NOL6: variants seen among roughly 807,000 people sequenced by gnomAD.
The protein encoded by NOL6 is nucleolar RNA-associated protein.
A neutral mutation model predicts 131.7 loss-of-function variants in NOL6; 33 were observed. The ratio of observed to expected loss-of-function variants is 0.25; its 90% CI spans 0.19 to 0.33. NOL6 has a LOEUF of 0.33. Ranked by LOEUF, NOL6 falls within the 10% of genes least tolerant of loss-of-function variation. The probability of loss-of-function intolerance (pLI) is 1.00; values close to 1 mark genes in which losing one functional copy is unlikely to be tolerated. For missense variants in NOL6, 1,297 were observed against 1,494.5 expected (o/e 0.87, Z 2.18); for synonymous variants, 580 against 605.7 (o/e 0.96, Z 0.62).
At chr9:33,465,174 C>T (rs771109290) in intron 20 of NOL6, 33 bp downstream of exon 20, 1 of 1,573,146 alleles carries the variant, frequency 6.4e-7, no homozygotes, top group Non-Finnish European at 8.6e-7. Flanking sequence ...CGCAAGGAAA[C>T]TTCTCAGCTG....
rs1386035705 is a variant in NOL6, at chr9:33,462,175, A to T, written c.*489T>A. On this transcript the variant is annotated 3_prime_UTR_variant, in exon 26 of 26. Coordinates refer to ENST00000297990, the MANE Select transcript of NOL6 (RefSeq NM_022917.5). Reference sequence around the variant, plus strand: ...CCCTTTCCACTGCTCAGTGTCGGTGATGTGACTCAGAAGGGCCACATTTTC... The same window carrying T: ...CCCTTTCCACTGCTCAGTGTCGGTGTTGTGACTCAGAAGGGCCACATTTTC... 1.4e-6 allele frequency: 1 copy of T among 717,492 alleles called. No individual in the cohort carries two copies. Among genetic ancestry groups the T allele is most frequent in the East Asian group, 2.7e-5 (1 of 37,296 alleles). 44.4% of individuals were successfully genotyped at this position (717,492 alleles called of 1,614,324 possible).
intron 3 of NOL6, among the ~76,000 whole-genome samples, chr9:33,470,994 T>C (rs1827397821): frequency 6.6e-6 from 1 of 151,560 alleles, no homozygotes; most frequent in African/African-American, 2.4e-5. Context: ...CGTTTTAGGC[T>C]GGGCACGGTG....
chr9:33,463,343 G>C lies in NOL6; in HGVS notation c.3093C>G (p.Ala1031=). ...GGCTGAGCAGGCCCCGGCAGAAGGAGGCAGCTGGCGAGTCCACAGCCTGGC... is the reference window on the plus strand; with the variant it reads ...GGCTGAGCAGGCCCCGGCAGAAGGACGCAGCTGGCGAGTCCACAGCCTGGC... ...RHRQAVDSPA[A]SFCRGLLSQP... The change falls in exon 24 of 26, where the codon GCC becomes GCG. Residue 1031 remains alanine (A), a synonymous_variant. Transcript: ENST00000297990. 1 of 1,614,132 alleles carries C rather than the reference G, an allele frequency of 6.2e-7. No individual in the cohort carries two copies. The highest frequency in any genetic ancestry group is 8.5e-7 in the Non-Finnish European group (1 of 1,179,992).
intron 4 of NOL6, 131 bp from the exon 5 acceptor site, chr9:33,469,798 C>A: frequency 8.5e-7 from 1 of 1,175,584 alleles, no homozygotes; most frequent in South Asian, 1.5e-5. Flanking sequence ...GTTAGCAACA[C>A]TAGGCCCAGT....
chr9:33,463,882 C>A lies in NOL6; in HGVS notation c.2943G>T (p.Leu981=), dbSNP rs547019254. 22 of 1,614,160 alleles carry A rather than the reference C, an allele frequency of 1.4e-5. No homozygotes were observed. In the South Asian group the frequency reaches 2.1e-4, roughly 15 times the overall value. ...CCATGAGCTGCTTCTCTAACATGGG[C>A]AGGGCTTCAGCTGCCAGGACCACAA... ...QQLVVLAAEA[L]PMLEKQLMDP... is the part of the protein sequence containing the mutation. The change falls in exon 23 of 26, where the codon CTG becomes CTT. Residue 981 remains leucine, a synonymous_variant. Transcript: ENST00000297990.
chr9:33,463,924 CG>C lies in NOL6; in HGVS notation c.2905-5del, dbSNP rs1563876057. 6.2e-7 allele frequency: 1 copy of C among 1,614,118 alleles called. No individual in the cohort carries two copies. Among genetic ancestry groups the C allele is most frequent in the Admixed American group, 1.7e-5 (1 of 60,032 alleles). On this transcript the variant is annotated splice_polypyrimidine_tract_variant and splice_region_variant and intron_variant, in intron 22 of 25. Coordinates refer to ENST00000297990, the MANE Select transcript of NOL6 (RefSeq NM_022917.5). ...GGACCACAAGCTGCTGCAGGATCTGCGGGGTACAGACACATCAGACTGGAAC... is the reference window on the plus strand; with the variant it reads ...GGACCACAAGCTGCTGCAGGATCTGCGGGTACAGACACATCAGACTGGAAC...
chr9:33,470,122 C>A lies in NOL6; in HGVS notation c.448G>T (p.Gly150Cys), dbSNP rs1167829390. Residue 150 changes from glycine (G) to cysteine (C), a missense_variant, in exon 4 of 26, where the codon GGC becomes TGC. Coordinates refer to ENST00000297990, the MANE Select transcript of NOL6 (RefSeq NM_022917.5). Reference protein sequence around the residue: ...PLHQVPYAVKGCFRFLPPAQV... With the variant: ...PLHQVPYAVKCCFRFLPPAQV... ...GCTGGGGGCAGGAAGCGGAAACAGCCCTTCACGGCATAGGGCACTTGGTGG... is the reference window on the plus strand; with the variant it reads ...GCTGGGGGCAGGAAGCGGAAACAGCACTTCACGGCATAGGGCACTTGGTGG... 6.8e-6 allele frequency: 11 copies of A among 1,612,810 alleles called. No individual in the cohort carries two copies. Among genetic ancestry groups the A allele is most frequent in the Non-Finnish European group, 8.5e-6 (10 of 1,179,198 alleles).
intron 1 of NOL6, among the ~76,000 whole-genome samples, 167 bp downstream of exon 1, chr9:33,473,622 C>T (rs1238803468): frequency 6.6e-6 from 1 of 152,244 alleles, no homozygotes; most frequent in East Asian, 1.9e-4. Context: ...CTGCCAGGTT[C>T]CATCACCCCT....
chr9:33,465,766 C>T lies in NOL6; in HGVS notation c.2496G>A (p.Arg832=). ...GGGCACTGGTGAGCAGTGGCAACTGCCTTGTGTCTCTCTCAAGGCGGAGGG... is the reference window on the plus strand; with the variant it reads ...GGGCACTGGTGAGCAGTGGCAACTGTCTTGTGTCTCTCTCAAGGCGGAGGG... ...AASLRLERDT[R]QLPLLTSALH... The change falls in exon 19 of 26, where the codon AGG becomes AGA. Residue 832 remains arginine, a synonymous_variant. Transcript: ENST00000297990. 6.2e-7 allele frequency: 1 copy of T among 1,613,548 alleles called. No individual in the cohort carries two copies. The highest frequency in any genetic ancestry group is 1.1e-5 in the South Asian group (1 of 90,942).
At chr9:33,470,738 C>T (rs1827389042) in intron 3 of NOL6, 1 of 149,108 alleles carries the variant, frequency 6.7e-6, no homozygotes, top group Non-Finnish European at 1.5e-5. Flanking sequence ...AAATGGATCA[C>T]TTCTCTAAAA....
rs77634450 is a variant in NOL6, at chr9:33,472,577, C to T, written c.55-165G>A. On this transcript the variant is annotated intron_variant, in intron 1 of 25. Transcript: ENST00000297990. ...TCAGGAGAATCGTTACTTGGATGAA[C>T]ATCACTGAGCGCTGAGCCGAAAATT... is the stretch of plus-strand genomic sequence containing the variant. The T allele has an allele frequency of 2.2e-3, 1,426 of 635,656 alleles. 28 individuals are homozygous for T. The African/African-American group carries it at 0.022, about 10-fold the overall frequency. 39.4% of individuals were successfully genotyped at this position (635,656 alleles called of 1,614,324 possible). A position where few individuals can be genotyped will look rare whatever the true frequency, so the allele number is the denominator to read the frequency against.
At position 33,462,480 on chromosome 9, in the gene NOL6, C is replaced by T. The variant is rs1827118620; in HGVS notation, c.*184G>A. On this transcript the variant is annotated 3_prime_UTR_variant, in exon 26 of 26. Transcript: ENST00000297990. ...ACTACATGGGCCACCATGCCCCTGC[C>T]CCAATGCTGGAGCATCAGAGAGAAA... 1.5e-6 allele frequency: 1 copy of T among 679,010 alleles called. No homozygotes were observed. Among genetic ancestry groups the T allele is most frequent in the African/African-American group, 1.8e-5 (1 of 55,464 alleles). 42.1% of individuals were successfully genotyped at this position (679,010 alleles called of 1,614,324 possible).
chr9:33,465,171 A>C, intron 20 of NOL6, 36 bp downstream of exon 20: 8 of 1,570,512 alleles, frequency 5.1e-6, no homozygotes, highest in Non-Finnish European at 6.9e-6. Flanking sequence ...GGCCGCAAGG[A>C]AACTTCTCAG....
At chr9:33,468,251 T>C (rs892778259) in intron 10 of NOL6, 70 bp downstream of exon 10, 8 of 1,608,446 alleles carry the variant, frequency 5.0e-6, no homozygotes, top group Non-Finnish European at 6.8e-6. Flanking sequence ...TCTGGGGTTC[T>C]GGTACTTGCA....
intron 15 of NOL6, 64 bp from the exon 16 acceptor site, chr9:33,466,773 C>T: frequency 1.3e-6 from 2 of 1,596,346 alleles, no homozygotes; most frequent in Non-Finnish European, 1.7e-6. Flanking sequence ...CTGGATTCTG[C>T]CCCAGCTCAG....
Position 33,465,760 on chromosome 9 carries a change from C to T in NOL6, c.2502G>A (p.Leu834=). ...CGTGCAGGGCACTGGTGAGCAGTGGCAACTGCCTTGTGTCTCTCTCAAGGC... is the reference window on the plus strand; with the variant it reads ...CGTGCAGGGCACTGGTGAGCAGTGGTAACTGCCTTGTGTCTCTCTCAAGGC... ...SLRLERDTRQ[L]PLLTSALHGL... Residue 834 remains leucine, a synonymous_variant, in exon 19 of 26, where the codon TTG becomes TTA. Transcript: ENST00000297990. 1.9e-6 allele frequency: 3 copies of T among 1,613,390 alleles called. No homozygotes were observed. Among genetic ancestry groups the T allele is most frequent in the Non-Finnish European group, 2.5e-6 (3 of 1,179,726 alleles).
In NOL6 at chr9:33,462,752, T is replaced by C. The variant is rs150750211; in HGVS notation, c.3353A>G (p.Asn1118Ser). 198 of 1,614,018 alleles carry C rather than the reference T, an allele frequency of 1.2e-4. No homozygotes were observed. The African/African-American group carries it at 2.4e-3, about 20-fold the overall frequency. ...AAAGTCCTCCAGGATTGCTTCAACA[T>C]TGGGCACCATTACTAGCTCCCCACC... ...SRGGELVMVP[N>S]VEAILEDFAV... The change falls in exon 26 of 26, where the codon AAT (asparagine) becomes AGT (serine). Residue 1118 changes from asparagine to serine, a missense_variant. Asn to Ser is a conservative substitution (Grantham distance 46). Transcript: ENST00000297990.
intron 18 of NOL6, 81 bp from the exon 19 acceptor site, chr9:33,465,978 C>A: frequency 6.4e-7 from 1 of 1,572,460 alleles, no homozygotes. Flanking sequence ...GCCCTATTAC[C>A]CAGCGTGGTA....
rs1041432133 is a variant in NOL6, at chr9:33,462,234, G to T, written c.*430C>A. On this transcript the variant is annotated 3_prime_UTR_variant, in exon 26 of 26. Transcript: ENST00000297990. ...CCATCTAAAGGCCTGACACTGCAGT[G>T]AAGGGCATGCTAAGTCTAGGCACAG... 1.3e-5 allele frequency: 9 copies of T among 716,916 alleles called. No homozygotes were observed. The highest frequency in any genetic ancestry group is 3.5e-5 in the African/African-American group (2 of 57,248). 44.4% of individuals were successfully genotyped at this position (716,916 alleles called of 1,614,324 possible).
Sources: allele counts gnomAD v4.1 joint callset (sites outside exome capture counted in the v4.1 genomes callset), GRCh38; gene constraint gnomAD v4.1.1; transcripts MANE v1.5; gene names NCBI Gene and HGNC (gene_info 2026-07-23, HGNC 2026-07-21).